Variants in HPSE2 observed in about 807,000 individuals in gnomAD.
The protein encoded by HPSE2 is inactive heparanase-2.
A neutral mutation model predicts 60.5 loss-of-function variants in HPSE2; 38 were observed. That is an observed-to-expected ratio of 0.63 (90% confidence interval 0.48 to 0.82). HPSE2 has a LOEUF of 0.82. Ranked by LOEUF, HPSE2 falls within the 40% of genes least tolerant of loss-of-function variation. HPSE2 has a pLI of 0.00. For missense variants in HPSE2, 713 were observed against 740.4 expected, an observed-to-expected ratio of 0.96 and a Z score of 0.43; for synonymous variants, 295 against 293.2, an observed-to-expected ratio of 1.01 and a Z score of -0.06.
chr10:98,593,449 T>A (rs1193788999), intron 9 of HPSE2, among the ~76,000 whole-genome samples: 1 of 118,334 alleles, frequency 8.5e-6, no homozygotes. Context: ...CCAACGAAGG[T>A]TTTTTTTTTT....
intron 3 of HPSE2, among the ~76,000 whole-genome samples, chr10:99,019,003 A>T (rs1162902441): frequency 6.6e-6 from 1 of 152,234 alleles, no homozygotes; most frequent in African/African-American, 2.4e-5. Flanking sequence ...CATACTCAAC[A>T]TATGCAAAAG....
At position 99,235,827 on chromosome 10, in the gene HPSE2, C is replaced by T; in HGVS notation, c.-25G>A. ...TTCAATCCCTCTGATTTAAACCTCTCTTCCTACTGGGTCTCGCTAGTGACT... is the reference window on the plus strand; with the variant it reads ...TTCAATCCCTCTGATTTAAACCTCTTTTCCTACTGGGTCTCGCTAGTGACT... On this transcript the variant is annotated 5_prime_UTR_variant, in exon 1 of 12. Coordinates refer to ENST00000370552, the MANE Select transcript of HPSE2 (RefSeq NM_021828.5). 6.2e-7 allele frequency: 1 copy of T among 1,603,884 alleles called. No homozygotes were observed. The highest frequency in any genetic ancestry group is 8.5e-7 in the Non-Finnish European group (1 of 1,172,344).
the HPSE2 span, among the ~76,000 whole-genome samples, chr10:99,300,391 T>C: frequency 6.6e-6 from 1 of 152,078 alleles, no homozygotes; most frequent in Non-Finnish European, 1.5e-5. Flanking sequence ...AAATACTGAG[T>C]TCTTATTGGA....
chr10:98,627,111 C>T (rs908531520), intron 7 of HPSE2, among the ~76,000 whole-genome samples: 2 of 152,164 alleles, frequency 1.3e-5, no homozygotes, highest in Non-Finnish European at 2.9e-5. Context: ...AACTCTAGCT[C>T]CTTTAAGTGA....
At chr10:98,506,241 T>C (rs1283063715) in intron 9 of HPSE2, among the ~76,000 whole-genome samples, 1 of 152,240 alleles carries the variant, frequency 6.6e-6, no homozygotes, top group Non-Finnish European at 1.5e-5. Context: ...GAAATGGTCC[T>C]AGATCTTTTA....
chr10:98,819,198 TTGTCTCTTAATCA>T (rs1951361529), intron 3 of HPSE2, among the ~76,000 whole-genome samples: 1 of 133,146 alleles, frequency 7.5e-6, no homozygotes, highest in Non-Finnish European at 1.7e-5. Context: ...TCTTTCAATC[TTGTCTCTTAATCA>T]TTTGGGTGCA....
chr10:99,170,125 A>T (rs773329418), intron 2 of HPSE2, among the ~76,000 whole-genome samples: 4 of 152,094 alleles, frequency 2.6e-5, no homozygotes, highest in African/African-American at 9.7e-5. Context: ...TTTCACAGAT[A>T]TGAAAACTGG....
At chr10:98,936,353 T>C (rs1428945555) in intron 3 of HPSE2, among the ~76,000 whole-genome samples, 1 of 143,892 alleles carries the variant, frequency 6.9e-6, no homozygotes. Context: ...CACTGGAGTA[T>C]GTAAAAACTG....
At chr10:99,210,661 G>T (rs1029220168) in intron 2 of HPSE2, among the ~76,000 whole-genome samples, 1 of 151,950 alleles carries the variant, frequency 6.6e-6, no homozygotes, top group Admixed American at 6.6e-5. Context: ...TAGAATGAAG[G>T]ACAAAAACCT....
rs557015026 is a variant in HPSE2, at chr10:99,173,899, C to T, written c.449-29500G>A. On this transcript the variant is annotated intron_variant, in intron 2 of 11. Transcript: ENST00000370552. ...CAGAGGTTGCAGTGAGCCAAGATCA[C>T]GCCACTACACTCCAGCCTGAGCAAC... Among the ~76,000 whole-genome samples the T allele has an allele frequency of 4.8e-4, 70 of 145,404 alleles. No homozygotes were observed. The East Asian group carries it at 0.011, about 24-fold the overall frequency.
chr10:98,878,035 C>G (rs1223960166), intron 3 of HPSE2, among the ~76,000 whole-genome samples: 1 of 151,804 alleles, frequency 6.6e-6, no homozygotes, highest in Non-Finnish European at 1.5e-5. Flanking sequence ...ATTATGTGAC[C>G]TGGAACTTCC....
chr10:98,773,077 T>G (rs1393390803), intron 3 of HPSE2, among the ~76,000 whole-genome samples: 1 of 152,146 alleles, frequency 6.6e-6, no homozygotes, highest in Non-Finnish European at 1.5e-5. Flanking sequence ...GGTGATCTGT[T>G]TCAAGATCCT....
chr10:98,871,001 C>T (rs573558514), intron 3 of HPSE2, among the ~76,000 whole-genome samples: 110 of 151,650 alleles, frequency 7.3e-4, no homozygotes, highest in South Asian at 3.1e-3. Context: ...TCTCTCACCA[C>T]GGGACGCACT....
chr10:98,740,941 ATC>A (rs1355891385), intron 4 of HPSE2, among the ~76,000 whole-genome samples: 1 of 152,204 alleles, frequency 6.6e-6, no homozygotes, highest in African/African-American at 2.4e-5. Flanking sequence ...TACATTGGAT[ATC>A]TTAAGAGAGA....
rs143474569 is a variant in HPSE2 at position 99,147,536 on chromosome 10, A to G, written c.449-3137T>C. Among the ~76,000 whole-genome samples, 53 of 152,318 alleles carry G rather than the reference A, an allele frequency of 3.5e-4. No individual in the cohort carries two copies. In the East Asian group the frequency reaches 8.5e-3, roughly 24 times the overall value. On this transcript the variant is annotated intron_variant, in intron 2 of 11. Coordinates refer to ENST00000370552, the MANE Select transcript of HPSE2 (RefSeq NM_021828.5). ...GAATGCAGCAGAAGCAACAATTACA[A>G]CTGATATCCTCAACATCATTCCAAC...
At position 98,507,395 on chromosome 10, in the gene HPSE2, G is replaced by A. The variant is rs148063289; in HGVS notation, c.1321-17199C>T. The stretch of plus-strand genomic sequence containing the variant: ...TCAGAGCTTCCTTTAGGAAGACGAC[G>A]TTATTGACCCAGGTATAGGCTGCCA... On this transcript the variant is annotated intron_variant, in intron 9 of 11. Coordinates refer to ENST00000370552, the MANE Select transcript of HPSE2 (RefSeq NM_021828.5). Among the ~76,000 whole-genome samples the A allele has an allele frequency of 5.3e-5, 8 of 152,224 alleles. 1 individual carries two copies. Among genetic ancestry groups the A allele is most frequent in the African/African-American group, 1.2e-4 (5 of 41,542 alleles).
Position 99,216,568 on chromosome 10 carries a change from G to GA in HPSE2, c.448+15779dup, listed in dbSNP as rs1849137491. Among the ~76,000 whole-genome samples the GA allele has an allele frequency of 2.0e-5, 3 of 152,274 alleles. No homozygotes were observed. In the South Asian group the frequency reaches 6.2e-4, roughly 32 times the overall value. On this transcript the variant is annotated intron_variant, in intron 2 of 11. Coordinates refer to ENST00000370552, the MANE Select transcript of HPSE2 (RefSeq NM_021828.5). ...GTAAATTTGTCTGGTGACACCTGTG[G>GA]AATCCTCCTCAACTATTTCAGGTAA...
At chr10:98,508,763 A>G (rs1889974) in intron 9 of HPSE2, among the ~76,000 whole-genome samples, 72,592 of 151,996 alleles carry the variant, frequency 0.48, 20,767 homozygotes, top group South Asian at 0.64. Context: ...ATACGCAAAT[A>G]CTGTGAGATG....
chr10:98,847,390 T>C (rs1952059498), intron 3 of HPSE2, among the ~76,000 whole-genome samples: 1 of 152,174 alleles, frequency 6.6e-6, no homozygotes, highest in African/African-American at 2.4e-5. Flanking sequence ...TTATCCTCAT[T>C]TGATAGAGAA....
Sources: allele counts gnomAD v4.1 joint callset (sites outside exome capture counted in the v4.1 genomes callset), GRCh38; gene constraint gnomAD v4.1.1; transcripts MANE v1.5; gene names NCBI Gene and HGNC (gene_info 2026-07-23, HGNC 2026-07-21).